The following DDR1 variants were observed in gnomAD, a reference collection of about 807,000 sequenced individuals.
The protein encoded by DDR1 is discoidin domain receptor tyrosine kinase 1.
A neutral mutation model predicts 97.4 loss-of-function variants in DDR1; 64 were observed. That is an observed-to-expected ratio of 0.66 (90% confidence interval 0.54 to 0.81). The LOEUF is 0.81. Among genes scored for constraint, DDR1 ranks in the 30% least tolerant of loss-of-function variants. The probability of loss-of-function intolerance (pLI) is 0.00; values close to 1 mark genes in which losing one functional copy is unlikely to be tolerated. For missense variants in DDR1, 990 were observed against 1,259.6 expected, an observed-to-expected ratio of 0.79 and a Z score of 3.24; for synonymous variants, 458 against 503.7, an observed-to-expected ratio of 0.91 and a Z score of 1.21.
In DDR1 at chr6:30,884,732, C is replaced by G. The variant is rs377749454; in HGVS notation, c.-43+22C>G. ...AGAGGTAGGGAGAGCGGCGGCGGAA[C>G]CCGCGGGCGGAGGCCTGGGGCTCTT... On this transcript the variant is annotated intron_variant, in intron 1 of 17. Transcript: ENST00000376568. The surrounding 1 kb of genome is among the most constrained non-coding windows in gnomAD (Gnocchi z 6.1). 3 of 155,322 alleles carry G rather than the reference C, an allele frequency of 1.9e-5. No homozygotes were observed. The highest frequency in any genetic ancestry group is 4.8e-5 in the African/African-American group (2 of 41,474). 9.6% of individuals were successfully genotyped at this position (155,322 alleles called of 1,614,324 possible).
Position 30,900,046 on chromosome 6 carries a change from A to C in DDR1, c.*750A>C. ...TTTTCTATAATCACTTGGGGTTTGT[A>C]CATTTTTGGGGGGAGAGACACAGAT... is the stretch of plus-strand genomic sequence containing the variant. On this transcript the variant is annotated 3_prime_UTR_variant, in exon 18 of 18. Coordinates refer to ENST00000376568, the MANE Select transcript of DDR1 (RefSeq NM_001297654.2). 1.7e-6 allele frequency: 1 copy of C among 596,428 alleles called. No homozygotes were observed. Among genetic ancestry groups the C allele is most frequent in the Non-Finnish European group, 3.2e-6 (1 of 307,704 alleles). 36.9% of individuals were successfully genotyped at this position (596,428 alleles called of 1,614,324 possible).
In DDR1 at chr6:30,894,626, CGTG is replaced by C; in HGVS notation, c.1470_1472del (p.Gly491del). ...ACCCCCGTACCAGGAGCCCCGGCCT[CGTG>C]GGAATCCGCCCCACTCCGCTCCCTG... On this transcript the variant is annotated inframe_deletion, in exon 11 of 18. Transcript: ENST00000376568. This position sits in a 1 kb window ranked among gnomAD's most constrained non-coding sequence, Gnocchi z 5.7. The C allele has an allele frequency of 6.2e-7, 1 of 1,612,150 alleles. No homozygotes were observed. Among genetic ancestry groups the C allele is most frequent in the South Asian group, 1.1e-5 (1 of 90,690 alleles).
Position 30,893,297 on chromosome 6 carries a change from C to T in DDR1, c.1221C>T (p.Pro407=), listed in dbSNP as rs201323442. Residue 407 remains proline, a synonymous_variant, in exon 10 of 18, where the codon CCC becomes CCT. Coordinates refer to ENST00000376568, the MANE Select transcript of DDR1 (RefSeq NM_001297654.2). ...AGCTGGAGCCCAGAGGCCAGCAGCC[C>T]GTGGCCAAGGCCGAGGGGAGCCCGA... The part of the protein sequence containing the change: ...SLELEPRGQQ[P]VAKAEGSPTA... The T allele has an allele frequency of 3.7e-6, 6 of 1,605,768 alleles. No homozygotes were observed. The highest frequency in any genetic ancestry group is 1.7e-5 in the Admixed American group (1 of 59,966).
chr6:30,892,972 T>C, intron 8 of DDR1, 96 bp from the exon 9 acceptor site: 1 of 1,093,450 alleles, frequency 9.1e-7, no homozygotes, highest in Non-Finnish European at 1.3e-6. Flanking sequence ...GAATCACCCA[T>C]GCTTCTGCTC....
At position 30,888,724 on chromosome 6, in the gene DDR1, G is replaced by A; in HGVS notation, c.-6G>A. ...CCACCCCCTTAGGCCCGAGGGATCA[G>A]GAGCTATGGGACCAGAGGCCCTGTC... On this transcript the variant is annotated 5_prime_UTR_variant, in exon 2 of 18. Coordinates refer to ENST00000376568, the MANE Select transcript of DDR1 (RefSeq NM_001297654.2). This position sits in a 1 kb window ranked among gnomAD's most constrained non-coding sequence, Gnocchi z 4.2. The A allele has an allele frequency of 6.2e-7, 1 of 1,612,910 alleles. No individual in the cohort carries two copies. Among genetic ancestry groups the A allele is most frequent in the African/African-American group, 1.3e-5 (1 of 74,986 alleles).
At position 30,897,422 on chromosome 6, in the gene DDR1, G is replaced by T. The variant is rs1292153143; in HGVS notation, c.2041G>T (p.Asp681Tyr). ...GGTGAAGATCATGTCGAGGCTCAAGGACCCAAACATCATTCGGCTGCTGGG... is the reference window on the plus strand; with the variant it reads ...GGTGAAGATCATGTCGAGGCTCAAGTACCCAAACATCATTCGGCTGCTGGG... ...KEVKIMSRLK[D>Y]PNIIRLLGVC... The change falls in exon 15 of 18, where the codon GAC (aspartate) becomes TAC (tyrosine). Residue 681 changes from aspartate to tyrosine, a missense_variant. Physicochemically the swap from Asp to Tyr is radical, Grantham distance 160. Transcript: ENST00000376568. This position sits in a 1 kb window ranked among gnomAD's most constrained non-coding sequence, Gnocchi z 5.2. The T allele has an allele frequency of 6.2e-7, 1 of 1,614,122 alleles. No individual in the cohort carries two copies. The highest frequency in any genetic ancestry group is 2.2e-5 in the East Asian group (1 of 44,860).
chr6:30,891,376 C>T lies in DDR1; in HGVS notation c.566-4C>T, dbSNP rs774357213. On this transcript the variant is annotated splice_polypyrimidine_tract_variant and splice_region_variant and intron_variant, in intron 5 of 17. Transcript: ENST00000376568. This position sits in a 1 kb window ranked among gnomAD's most constrained non-coding sequence, Gnocchi z 5.3. ...CTGACCCCCATCCTCTCACCCTGCC[C>T]CAGATGGACTCCTGTCTTACACCGC... 5.6e-6 allele frequency: 9 copies of T among 1,610,826 alleles called. No individual in the cohort carries two copies. In the Admixed American group the frequency reaches 1.5e-4, roughly 27 times the overall value.
rs1375931278 is a variant in DDR1 at position 30,885,806 on chromosome 6, AGTTCAGTAAGTTT to A, written c.-43+1099_-43+1111del. ...ACATTTAGCCTCGCTGTTTACAGCC[AGTTCAGTAAGTTT>A]GTGTGTTTCACCGTGTGTGTGTGTA... is the stretch of plus-strand genomic sequence containing the variant. On this transcript the variant is annotated intron_variant, in intron 1 of 17. Coordinates refer to ENST00000376568, the MANE Select transcript of DDR1 (RefSeq NM_001297654.2). 7.8e-6 allele frequency: 10 copies of A among 1,289,902 alleles called. No individual in the cohort carries two copies. In the East Asian group the frequency reaches 5.5e-4, roughly 71 times the overall value. 79.9% of individuals were successfully genotyped at this position (1,289,902 alleles called of 1,614,324 possible). A position where few individuals can be genotyped will look rare whatever the true frequency, so the allele number is the denominator to read the frequency against.
chr6:30,892,717 C>T, intron 8 of DDR1, 175 bp downstream of exon 8: 1 of 786,272 alleles, frequency 1.3e-6, no homozygotes. Context: ...CTCTTGTTCT[C>T]TGCGTATCCA....
chr6:30,885,184 C>T, intron 1 of DDR1: 4 of 1,531,080 alleles, frequency 2.6e-6, no homozygotes, highest in Non-Finnish European at 3.5e-6. Context: ...CACCACTCTT[C>T]CCGGCTGGAT....
rs564420245 is a variant in DDR1 at position 30,900,058 on chromosome 6, G to A, written c.*762G>A. 1.0e-3 allele frequency: 600 copies of A among 596,486 alleles called. 11 individuals carry two copies. The highest frequency in any genetic ancestry group is 7.9e-3 in the South Asian group (571 of 72,210). 36.9% of individuals were successfully genotyped at this position (596,486 alleles called of 1,614,324 possible). On this transcript the variant is annotated 3_prime_UTR_variant, in exon 18 of 18. Coordinates refer to ENST00000376568, the MANE Select transcript of DDR1 (RefSeq NM_001297654.2). ...ACTTGGGGTTTGTACATTTTTGGGG[G>A]GAGAGACACAGATTTTTACACTAAT... is the stretch of plus-strand genomic sequence containing the variant.
intron 1 of DDR1, among the ~76,000 whole-genome samples, chr6:30,885,986 G>T (rs1027918989): frequency 6.6e-6 from 1 of 152,120 alleles, no homozygotes; most frequent in Non-Finnish European, 1.5e-5. Flanking sequence ...GGTCTTCTGG[G>T]CTTGTCCTCT....
chr6:30,897,032 G>A lies in DDR1; in HGVS notation c.1888G>A (p.Asp630Asn), dbSNP rs776276689. The A allele has an allele frequency of 2.1e-5, 34 of 1,612,936 alleles. No individual in the cohort carries two copies. Among genetic ancestry groups the A allele is most frequent in the Non-Finnish European group, 2.7e-5 (32 of 1,179,428 alleles). Residue 630 changes from aspartate (D) to asparagine (N), a missense_variant, in exon 14 of 18, where the codon GAC (aspartate) becomes AAC (asparagine). Coordinates refer to ENST00000376568, the MANE Select transcript of DDR1 (RefSeq NM_001297654.2). This position sits in a 1 kb window ranked among gnomAD's most constrained non-coding sequence, Gnocchi z 5.2. ...QFGEVHLCEVDSPQDLVSLDF... is the reference protein window; with the variant it reads ...QFGEVHLCEVNSPQDLVSLDF... ...TCTCCAGGTGCACCTGTGTGAGGTCGACAGCCCTCAAGATCTGGTTAGTCT... is the reference window on the plus strand; with the variant it reads ...TCTCCAGGTGCACCTGTGTGAGGTCAACAGCCCTCAAGATCTGGTTAGTCT...
Position 30,900,151 on chromosome 6 carries a change from C to T in DDR1, c.*855C>T. 1 of 560,696 alleles carries T rather than the reference C, an allele frequency of 1.8e-6. No individual in the cohort carries two copies. The highest frequency in any genetic ancestry group is 3.5e-6 in the Non-Finnish European group (1 of 287,628). 34.7% of individuals were successfully genotyped at this position (560,696 alleles called of 1,614,324 possible). A position where few individuals can be genotyped will look rare whatever the true frequency, so the allele number is the denominator to read the frequency against. Reference sequence around the variant, plus strand: ...CAGGTAATAATAAAGGTTGAGTTTTCCACAACTGTGTGAGTGGGTTCCTTG... The same window carrying T: ...CAGGTAATAATAAAGGTTGAGTTTTTCACAACTGTGTGAGTGGGTTCCTTG... On this transcript the variant is annotated 3_prime_UTR_variant, in exon 18 of 18. Transcript: ENST00000376568.
Position 30,888,306 on chromosome 6 carries a change from T to TA in DDR1, c.-42-381dup. On this transcript the variant is annotated intron_variant, in intron 1 of 17. Coordinates refer to ENST00000376568, the MANE Select transcript of DDR1 (RefSeq NM_001297654.2). This position sits in a 1 kb window ranked among gnomAD's most constrained non-coding sequence, Gnocchi z 4.2. ...TTAAACCTTTTCCTGTTGTATGTGT[T>TA]ATAAACATTTTTTGCACACTTGTTG... is the stretch of plus-strand genomic sequence containing the variant. 1 of 194,504 alleles carries TA rather than the reference T, an allele frequency of 5.1e-6. No homozygotes were observed. Among genetic ancestry groups the TA allele is most frequent in the Non-Finnish European group, 1.0e-5 (1 of 95,400 alleles). 12.0% of individuals were successfully genotyped at this position (194,504 alleles called of 1,614,324 possible).
Position 30,899,954 on chromosome 6 carries a change from G to A in DDR1, c.*658G>A, listed in dbSNP as rs1792346454. ...TCTGTGGAGTAAATATTGGGATTGG[G>A]GGGAAAGAGGGAGCAACGGCCCATA... is the stretch of plus-strand genomic sequence containing the variant. On this transcript the variant is annotated 3_prime_UTR_variant, in exon 18 of 18. Transcript: ENST00000376568. The A allele has an allele frequency of 5.3e-6, 3 of 561,182 alleles. No individual in the cohort carries two copies. Among genetic ancestry groups the A allele is most frequent in the Non-Finnish European group, 1.0e-5 (3 of 290,182 alleles). The allele number at this position is 561,182 out of a possible 1,614,324, so 34.8% of individuals were successfully genotyped here.
intron 10 of DDR1, among the ~76,000 whole-genome samples, chr6:30,893,774 ACTC>A (rs1789571199): frequency 6.6e-6 from 1 of 151,766 alleles, no homozygotes; most frequent in South Asian, 2.1e-4. Flanking sequence ...TCTGCCCCAA[ACTC>A]CTGCTGGGCT....
In DDR1 at chr6:30,897,341, C is replaced by T; in HGVS notation, c.1998-38C>T. 6.2e-7 allele frequency: 1 copy of T among 1,606,102 alleles called. No individual in the cohort carries two copies. Among genetic ancestry groups the T allele is most frequent in the Non-Finnish European group, 8.5e-7 (1 of 1,175,616 alleles). ...GGCGCGGGGGAAGGTGCAGGCCGCCCACTCGGCATTCCTCTTCAGCTTCTC... is the reference window on the plus strand; with the variant it reads ...GGCGCGGGGGAAGGTGCAGGCCGCCTACTCGGCATTCCTCTTCAGCTTCTC... On this transcript the variant is annotated intron_variant, in intron 14 of 17. Coordinates refer to ENST00000376568, the MANE Select transcript of DDR1 (RefSeq NM_001297654.2). This position sits in a 1 kb window ranked among gnomAD's most constrained non-coding sequence, Gnocchi z 5.2.
At chr6:30,898,603 C>T (rs148374368) in intron 16 of DDR1, among the ~76,000 whole-genome samples, 1 of 152,004 alleles carries the variant, frequency 6.6e-6, no homozygotes, top group Non-Finnish European at 1.5e-5. Flanking sequence ...GTAGGGAGAC[C>T]GAAGGTCAGG....
Sources: allele counts gnomAD v4.1 joint callset (sites outside exome capture counted in the v4.1 genomes callset), GRCh38; gene constraint gnomAD v4.1.1; non-coding constraint Gnocchi (gnomAD v3.1); transcripts MANE v1.5; gene names NCBI Gene and HGNC (gene_info 2026-07-23, HGNC 2026-07-21).